Variants in PRPF39 observed in about 807,000 individuals in gnomAD.
PRPF39 encodes pre-mRNA-processing factor 39.
PRPF39 carries 27 observed loss-of-function variants against 82.1 expected under a neutral mutation model. The ratio of observed to expected loss-of-function variants is 0.33; its 90% CI spans 0.24 to 0.45. The LOEUF (loss-of-function observed/expected upper bound fraction) is 0.45, where lower values mean the gene tolerates loss of function less well. PRPF39 is among the 20% of genes least tolerant of loss of function. The pLI, the probability that PRPF39 is intolerant of heterozygous loss-of-function variation, is 1.00. For synonymous variants in PRPF39, 261 were observed against 256.4 expected, an observed-to-expected ratio of 1.02 and a Z score of -0.17; for missense variants, 581 against 796.9, an observed-to-expected ratio of 0.73 and a Z score of 3.26.
chr14:45,106,065 G>T (rs1884522403), intron 5 of PRPF39, among the ~76,000 whole-genome samples: 1 of 151,962 alleles, frequency 6.6e-6, no homozygotes, highest in African/African-American at 2.4e-5. Context: ...AAATGCTGAG[G>T]GTGGCGGGGC....
rs967460029 is a variant in PRPF39 at position 45,096,039 on chromosome 14, G to A, written c.325-64G>A. 2.9e-6 allele frequency: 4 copies of A among 1,378,346 alleles called. No homozygotes were observed. The African/African-American group carries it at 4.5e-5, about 15-fold the overall frequency. 85.4% of individuals were successfully genotyped at this position (1,378,346 alleles called of 1,614,324 possible). A position where few individuals can be genotyped will look rare whatever the true frequency, so the allele number is the denominator to read the frequency against. The stretch of plus-strand genomic sequence containing the variant: ...TTTTTTAGATAATAACGTTTGAAAG[G>A]AATAATAAATATTTTTTTGACAGAA... On this transcript the variant is annotated intron_variant, in intron 2 of 13. Transcript: ENST00000355765.
rs1566701498 is a variant in PRPF39, at chr14:45,115,970, C to G, written c.*1057C>G. 1 of 468,824 alleles carries G rather than the reference C, an allele frequency of 2.1e-6. No individual in the cohort carries two copies. The highest frequency in any genetic ancestry group is 3.9e-6 in the Non-Finnish European group (1 of 257,314). 29.0% of individuals were successfully genotyped at this position (468,824 alleles called of 1,614,324 possible). The stretch of plus-strand genomic sequence containing the variant: ...ACATGAGGTAAAAGGAAAAAGTTCT[C>G]CTTGACCAGTATTTTACACAGCTGT... On this transcript the variant is annotated 3_prime_UTR_variant, in exon 14 of 14. Transcript: ENST00000355765.
At position 45,112,301 on chromosome 14, in the gene PRPF39, T is replaced by C. The variant is rs555548748; in HGVS notation, c.1573-17T>C. 4 of 1,542,230 alleles carry C rather than the reference T, an allele frequency of 2.6e-6. No homozygotes were observed. The highest frequency in any genetic ancestry group is 2.6e-5 in the South Asian group (2 of 78,142). ...AAAATATTTTAGAAATATTCATTGATGCTGCTTTTTACACAGGAGAACACA... is the reference window on the plus strand; with the variant it reads ...AAAATATTTTAGAAATATTCATTGACGCTGCTTTTTACACAGGAGAACACA... On this transcript the variant is annotated splice_polypyrimidine_tract_variant and intron_variant, in intron 10 of 13. Transcript: ENST00000355765.
intron 4 of PRPF39, among the ~76,000 whole-genome samples, chr14:45,100,364 C>G (rs1884336554): frequency 6.6e-6 from 1 of 152,184 alleles, no homozygotes; most frequent in South Asian, 2.1e-4. Flanking sequence ...ACTCTTTTTG[C>G]TGGTGGATTC....
intron 4 of PRPF39, among the ~76,000 whole-genome samples, chr14:45,100,269 C>T (rs1232684645): frequency 6.6e-6 from 1 of 152,072 alleles, no homozygotes; most frequent in East Asian, 1.9e-4. Context: ...CAAAACAAAA[C>T]ACAAGCATAT....
intron 4 of PRPF39, among the ~76,000 whole-genome samples, chr14:45,100,854 T>G (rs1297833536): frequency 1.3e-5 from 2 of 152,220 alleles, no homozygotes; most frequent in East Asian, 3.8e-4. Context: ...TTCCTGAGTT[T>G]TGTGCCTATT....
At chr14:45,107,718 C>T (rs1216375110) in intron 6 of PRPF39, 102 bp downstream of exon 6, 1 of 1,215,614 alleles carries the variant, frequency 8.2e-7, no homozygotes, top group Non-Finnish European at 1.1e-6. Flanking sequence ...CACCTGAGGT[C>T]CGGAGTTTGA....
At chr14:45,112,887 C>G (rs1409417428) in intron 11 of PRPF39, among the ~76,000 whole-genome samples, 1 of 152,154 alleles carries the variant, frequency 6.6e-6, no homozygotes, top group African/African-American at 2.4e-5. Context: ...GTGCTATTTT[C>G]TGAGATTGGA....
chr14:45,092,549 C>T (rs1162893008), intron 1 of PRPF39, among the ~76,000 whole-genome samples: 1 of 144,120 alleles, frequency 6.9e-6, no homozygotes, highest in Non-Finnish European at 1.5e-5. Context: ...TGCAGTGAGC[C>T]GAGATTGCGC....
chr14:45,112,774 G>A (rs1884732064), intron 11 of PRPF39, among the ~76,000 whole-genome samples: 1 of 152,166 alleles, frequency 6.6e-6, no homozygotes. Context: ...AGGCAGGAAG[G>A]AGCAATCCTG....
intron 1 of PRPF39, among the ~76,000 whole-genome samples, chr14:45,094,219 A>G (rs2139042424): frequency 6.6e-6 from 1 of 152,258 alleles, no homozygotes; most frequent in South Asian, 2.1e-4. Flanking sequence ...AAAATGAGAC[A>G]TGCCCTATAA....
intron 5 of PRPF39, among the ~76,000 whole-genome samples, chr14:45,104,708 T>C (rs1884474297): frequency 6.6e-6 from 1 of 152,196 alleles, no homozygotes; most frequent in African/African-American, 2.4e-5. Context: ...TGAGATAATG[T>C]CTAATTTAAA....
At chr14:45,104,678 T>G (rs924456815) in intron 5 of PRPF39, among the ~76,000 whole-genome samples, 2 of 152,206 alleles carry the variant, frequency 1.3e-5, no homozygotes, top group Non-Finnish European at 2.9e-5. Flanking sequence ...TACCATTGGA[T>G]GTACCCTGCA....
At chr14:45,092,627 C>T (rs942501187) in intron 1 of PRPF39, among the ~76,000 whole-genome samples, 5 of 145,252 alleles carry the variant, frequency 3.4e-5, no homozygotes, top group African/African-American at 5.1e-5. Context: ...AAAAAAAAGT[C>T]GTCAGCATCT....
intron 11 of PRPF39, among the ~76,000 whole-genome samples, chr14:45,113,684 A>G (rs1884758404): frequency 1.3e-5 from 2 of 152,220 alleles, no homozygotes; most frequent in Non-Finnish European, 2.9e-5. Flanking sequence ...TGGATTTGTC[A>G]TGCTTCATAG....
In PRPF39 at chr14:45,115,286, ACCT is replaced by A. The variant is rs1411503783; in HGVS notation, c.*377_*379del. ...GAAAACACATAAGGGCTGGTTATTT[ACCT>A]CCTTTTTTTTTTTTTTTTTTAAAGA... is the stretch of plus-strand genomic sequence containing the variant. On this transcript the variant is annotated 3_prime_UTR_variant, in exon 14 of 14. Coordinates refer to ENST00000355765, the MANE Select transcript of PRPF39 (RefSeq NM_017922.4). 3 of 137,868 alleles carry A rather than the reference ACCT, an allele frequency of 2.2e-5. No individual in the cohort carries two copies. The highest frequency in any genetic ancestry group is 4.6e-5 in the Non-Finnish European group (3 of 64,796). The allele number at this position is 137,868 out of a possible 1,614,324, so 8.5% of individuals were successfully genotyped here. A position where few individuals can be genotyped will look rare whatever the true frequency, so the allele number is the denominator to read the frequency against.
At position 45,107,486 on chromosome 14, in the gene PRPF39, A is replaced by G. The variant is rs976786929; in HGVS notation, c.773A>G (p.Asp258Gly). Reference sequence around the variant, plus strand: ...CATGTACAGAATAATTTGCCTAGAGATCTTTTAACTGGTGAACAGTTTATT... The same window carrying G: ...CATGTACAGAATAATTTGCCTAGAGGTCTTTTAACTGGTGAACAGTTTATT... ...KEHVQNNLPR[D>G]LLTGEQFIQL... is the part of the protein sequence containing the mutation. The change falls in exon 6 of 14, where the codon GAT becomes GGT. Residue 258 changes from aspartate (D) to glycine (G), a missense_variant. By Grantham distance (94) the Asp-to-Gly change is moderately conservative. Transcript: ENST00000355765. 4 of 1,562,830 alleles carry G rather than the reference A, an allele frequency of 2.6e-6. No individual in the cohort carries two copies. The Admixed American group carries it at 5.6e-5, about 22-fold the overall frequency.
At chr14:45,100,207 G>T (rs189650214) in intron 4 of PRPF39, among the ~76,000 whole-genome samples, 2 of 152,152 alleles carry the variant, frequency 1.3e-5, no homozygotes, top group East Asian at 3.9e-4. Context: ...TCCAGCCTGG[G>T]TGACAGAGCG....
intron 1 of PRPF39, among the ~76,000 whole-genome samples, chr14:45,092,408 C>T (rs771852766): frequency 6.6e-6 from 1 of 152,048 alleles, no homozygotes; most frequent in Non-Finnish European, 1.5e-5. Context: ...CAAGACCATT[C>T]TGGCCAACAT....
Sources: allele counts gnomAD v4.1 joint callset (sites outside exome capture counted in the v4.1 genomes callset), GRCh38; gene constraint gnomAD v4.1.1; transcripts MANE v1.5; gene names NCBI Gene and HGNC (gene_info 2026-07-23, HGNC 2026-07-21).